Variants in AADACL2 observed in about 807,000 individuals in gnomAD.
AADACL2 encodes arylacetamide deacetylase like 2.
AADACL2 carries 23 observed loss-of-function variants against 22.3 expected under a neutral mutation model. The ratio of observed to expected loss-of-function variants is 1.03; its 90% confidence interval spans 0.74 to 1.46. The LOEUF (loss-of-function observed/expected upper bound fraction) is 1.46. Among genes scored for constraint, AADACL2 ranks in the 40% most tolerant of loss-of-function variants. AADACL2 has a pLI of 0.00. For synonymous variants in AADACL2, 177 were observed against 166.2 expected (o/e 1.07, Z -0.50); for missense variants, 472 against 482.9 (o/e 0.98, Z 0.21).
Position 151,734,083 on chromosome 3 carries a change from C to G in AADACL2, c.48C>G (p.Val16=). The change falls in exon 1 of 5, where the codon GTC becomes GTG. Residue 16 remains valine (V), a synonymous_variant. Transcript: ENST00000356517. ...TGGGGCTGCTTTGTGTTCTTTTTGTCTCTCATTTTTACACACCCATGCCAG... is the reference window on the plus strand; with the variant it reads ...TGGGGCTGCTTTGTGTTCTTTTTGTGTCTCATTTTTACACACCCATGCCAG... ...LCLGLLCVLF[V]SHFYTPMPDN... is the part of the protein sequence containing the mutation. 6.2e-7 allele frequency: 1 copy of G among 1,613,422 alleles called. No homozygotes were observed. The highest frequency in any genetic ancestry group is 8.5e-7 in the Non-Finnish European group (1 of 1,179,716).
At chr3:151,738,639 G>A (rs1263811052) in intron 1 of AADACL2, among the ~76,000 whole-genome samples, 5 of 152,122 alleles carry the variant, frequency 3.3e-5, no homozygotes, top group African/African-American at 7.2e-5. Flanking sequence ...CCAATCTAAC[G>A]TAGGTTTGGT....
rs114080656 is a variant in AADACL2, at chr3:151,752,422, A to T, written c.604-4570A>T. Among the ~76,000 whole-genome samples, 1,133 of 152,316 alleles carry T rather than the reference A, an allele frequency of 7.4e-3. 19 individuals are homozygous for T. Among genetic ancestry groups the T allele is most frequent in the African/African-American group, 0.026 (1,079 of 41,574 alleles). On this transcript the variant is annotated intron_variant, in intron 4 of 4. Transcript: ENST00000356517. ...AATTGTATTCTTATTATTGAGAAGA[A>T]ATGAATATATTTAACCTATTATTGC...
At chr3:151,740,507 T>C in intron 1 of AADACL2, 139 bp from the exon 2 acceptor site, 1 of 614,340 alleles carries the variant, frequency 1.6e-6, no homozygotes, top group Non-Finnish European at 2.7e-6. Context: ...ACAGTATTAT[T>C]TGGAAATAAT....
intron 4 of AADACL2, among the ~76,000 whole-genome samples, chr3:151,748,712 C>G (rs1256343182): frequency 6.6e-6 from 1 of 152,178 alleles, no homozygotes; most frequent in Non-Finnish European, 1.5e-5. Context: ...ACCCGGTTCT[C>G]TTTCATGAGT....
chr3:151,757,012 A>G lies in AADACL2; in HGVS notation c.624A>G (p.Ile208Met), dbSNP rs1404995048. 2 of 1,604,352 alleles carry G rather than the reference A, an allele frequency of 1.2e-6. No individual in the cohort carries two copies. Among genetic ancestry groups the G allele is most frequent in the South Asian group, 2.2e-5 (2 of 90,602 alleles). Reference protein sequence around the residue: ...VTQQVQNDAEIKHKIKMQVLL... With the variant: ...VTQQVQNDAEMKHKIKMQVLL... ...TTCAGGTGCAGAATGATGCTGAAAT[A>G]AAACATAAAATCAAGATGCAAGTCT... is the stretch of plus-strand genomic sequence containing the variant. Residue 208 changes from isoleucine to methionine, a missense_variant, in exon 5 of 5, where the codon ATA becomes ATG. Physicochemically the swap from Ile to Met is conservative, Grantham distance 10. Transcript: ENST00000356517.
Position 151,755,744 on chromosome 3 carries a change from G to A in AADACL2, c.604-1248G>A, listed in dbSNP as rs566581947. Among the ~76,000 whole-genome samples the A allele has an allele frequency of 1.1e-4, 16 of 152,258 alleles. No homozygotes were observed. In the South Asian group the frequency reaches 3.3e-3, roughly 32 times the overall value. On this transcript the variant is annotated intron_variant, in intron 4 of 4. Coordinates refer to ENST00000356517, the MANE Select transcript of AADACL2 (RefSeq NM_207365.4). ...AGAAAGGAAAGTTAGGGTCAGGCAA[G>A]GTTATTGATGGACACTTTTTGACCT...
At chr3:151,739,077 T>C (rs1713191792) in intron 1 of AADACL2, among the ~76,000 whole-genome samples, 1 of 152,204 alleles carries the variant, frequency 6.6e-6, no homozygotes, top group Non-Finnish European at 1.5e-5. Context: ...AGAGTCATTC[T>C]GGTCTTTGGA....
intron 1 of AADACL2, among the ~76,000 whole-genome samples, chr3:151,738,966 G>A (rs1212148583): frequency 6.6e-6 from 1 of 152,138 alleles, no homozygotes; most frequent in Non-Finnish European, 1.5e-5. Flanking sequence ...AGAGGAGCTT[G>A]TTATTACCCA....
intron 1 of AADACL2, among the ~76,000 whole-genome samples, chr3:151,736,355 G>A (rs981019790): frequency 2.0e-5 from 3 of 147,858 alleles, no homozygotes; most frequent in Non-Finnish European, 3.0e-5. Flanking sequence ...TGTGCAGAAC[G>A]TGCAGGTTTG....
At chr3:151,748,465 A>C (rs1713533737) in intron 4 of AADACL2, among the ~76,000 whole-genome samples, 1 of 152,186 alleles carries the variant, frequency 6.6e-6, no homozygotes, top group Non-Finnish European at 1.5e-5. Context: ...TCATGTTGAA[A>C]TTTGATCCCC....
In AADACL2 at chr3:151,758,872, A is replaced by G. The variant is rs1364751115; in HGVS notation, c.*1278A>G. On this transcript the variant is annotated 3_prime_UTR_variant, in exon 5 of 5. Coordinates refer to ENST00000356517, the MANE Select transcript of AADACL2 (RefSeq NM_207365.4). ...GTGGGAAAAATCTACCATCCAATTGACCCAAAAACAACTTACTCAGTTGGG... is the reference window on the plus strand; with the variant it reads ...GTGGGAAAAATCTACCATCCAATTGGCCCAAAAACAACTTACTCAGTTGGG... 6.6e-6 allele frequency: 1 copy of G among 152,100 alleles called. No individual in the cohort carries two copies. The highest frequency in any genetic ancestry group is 1.5e-5 in the Non-Finnish European group (1 of 67,968). The allele number at this position is 152,100 out of a possible 1,614,324, so 9.4% of individuals were successfully genotyped here. A position where few individuals can be genotyped will look rare whatever the true frequency, so the allele number is the denominator to read the frequency against.
intron 4 of AADACL2, among the ~76,000 whole-genome samples, chr3:151,752,913 T>C (rs944720951): frequency 6.6e-6 from 1 of 152,212 alleles, no homozygotes; most frequent in Admixed American, 6.5e-5. Context: ...AGCCGTATGA[T>C]CTTATTTATA....
At chr3:151,736,143 T>C (rs1019184062) in intron 1 of AADACL2, among the ~76,000 whole-genome samples, 5 of 152,042 alleles carry the variant, frequency 3.3e-5, no homozygotes, top group Admixed American at 2.0e-4. Context: ...CATGACAGCA[T>C]GCCTACAAAA....
chr3:151,744,246 CA>C, intron 3 of AADACL2, 84 bp downstream of exon 3: 1 of 1,269,538 alleles, frequency 7.9e-7, no homozygotes, highest in Non-Finnish European at 1.1e-6. Context: ...AGCTATGCTT[CA>C]AATATAATTT....
chr3:151,746,365 G>GTTTTTTTTTTTT (rs11385894), intron 4 of AADACL2, among the ~76,000 whole-genome samples: 2 of 136,960 alleles, frequency 1.5e-5, no homozygotes, highest in South Asian at 2.3e-4. Context: ...TGTTTTTTTT[G>GTTTTTTTTTTTT]TTTTTTTTTT....
rs1713902411 is a variant in AADACL2, at chr3:151,756,313, C to G, written c.604-679C>G. Among the ~76,000 whole-genome samples, 7 of 151,102 alleles carry G rather than the reference C, an allele frequency of 4.6e-5. No homozygotes were observed. The Admixed American group carries it at 4.6e-4, about 10-fold the overall frequency. On this transcript the variant is annotated intron_variant, in intron 4 of 4. Transcript: ENST00000356517. ...TACTTCACATTTTATCCTTGCATAT[C>G]AGACTTGTGCACATCGATTTTTTCA...
intron 4 of AADACL2, among the ~76,000 whole-genome samples, chr3:151,747,618 T>TTG (rs149912523): frequency 0.19 from 28,681 of 148,186 alleles, 2,744 homozygotes; most frequent in East Asian, 0.27. Flanking sequence ...TTGTGTGTGT[T>TTG]TGTGTGTGTG....
intron 3 of AADACL2, among the ~76,000 whole-genome samples, chr3:151,745,243 T>C (rs552422539): frequency 6.6e-6 from 1 of 152,324 alleles, no homozygotes; most frequent in Admixed American, 6.5e-5. Flanking sequence ...ACACTTGGAC[T>C]AAAATTTTTG....
At chr3:151,736,659 C>T (rs1713098716) in intron 1 of AADACL2, among the ~76,000 whole-genome samples, 3 of 152,140 alleles carry the variant, frequency 2.0e-5, no homozygotes, top group Middle Eastern at 6.8e-3. Context: ...TGAACTCATT[C>T]CTTTTTATGG....
Sources: allele counts gnomAD v4.1 joint callset (sites outside exome capture counted in the v4.1 genomes callset), GRCh38; gene constraint gnomAD v4.1.1; transcripts MANE v1.5; gene names NCBI Gene and HGNC (gene_info 2026-07-23, HGNC 2026-07-21).